Variants in B3GALNT2 observed in about 807,000 individuals in gnomAD.
B3GALNT2 encodes the protein beta-1,3-N-acetylgalactosaminyltransferase 2, also known as UDP-GalNAc:beta-1,3-N-acetylgalactosaminyltransferase 2.
B3GALNT2 carries 53 observed loss-of-function variants against 61.1 expected under a neutral mutation model. That is an observed-to-expected ratio of 0.87 (90% CI 0.70 to 1.09). B3GALNT2 has a LOEUF of 1.09. B3GALNT2 is among the 50% of genes least tolerant of loss of function. The pLI is 0.00. For synonymous variants in B3GALNT2, 223 were observed against 237.4 expected, an observed-to-expected ratio of 0.94 and a Z score of 0.56; for missense variants, 544 against 623.0, an observed-to-expected ratio of 0.87 and a Z score of 1.35.
downstream of B3GALNT2, among the ~76,000 whole-genome samples, chr1:235,442,416 C>T (rs186264404): frequency 3.5e-4 from 53 of 152,302 alleles, no homozygotes; most frequent in East Asian, 5.2e-3. Context: ...GAGATCCACC[C>T]GCCTCGGCCT....
chr1:235,451,509 A>G (rs150249825), intron 11 of B3GALNT2: 38 of 151,988 alleles, frequency 2.5e-4, no homozygotes, highest in African/African-American at 6.3e-4. Flanking sequence ...ATCAGAAAAC[A>G]AGCGCCATGA....
At chr1:235,469,647 G>T (rs1184671802) in intron 6 of B3GALNT2, among the ~76,000 whole-genome samples, 3 of 151,860 alleles carry the variant, frequency 2.0e-5, no homozygotes, top group Admixed American at 1.3e-4. Context: ...CCACCTCTGG[G>T]GTTCAAGCAA....
At chr1:235,499,480 C>T (rs1286642253) in intron 1 of B3GALNT2, among the ~76,000 whole-genome samples, 2 of 152,128 alleles carry the variant, frequency 1.3e-5, no homozygotes, top group African/African-American at 4.8e-5. Context: ...TTCTAGATGG[C>T]ACAGATACAG....
intron 5 of B3GALNT2, among the ~76,000 whole-genome samples, chr1:235,474,985 ATATTTTTTTTTTTTTT>A (rs1423126983): frequency 5.3e-5 from 2 of 37,790 alleles, no homozygotes; most frequent in African/African-American, 1.2e-4. Context: ...ATATATATAT[ATATTTTTTTTTTTTTT>A]TTTTTTTTTG....
rs1684954673 is a variant in B3GALNT2, at chr1:235,489,334, G to A, written c.261-66C>T. On this transcript the variant is annotated intron_variant, in intron 2 of 11. Transcript: ENST00000366600. ...ACCTCGCACATGCACGTTTCCTCATGCCCATTTCAGAGCTTTTACTTTGAG... is the reference window on the plus strand; with the variant it reads ...ACCTCGCACATGCACGTTTCCTCATACCCATTTCAGAGCTTTTACTTTGAG... 4 of 1,591,640 alleles carry A rather than the reference G, an allele frequency of 2.5e-6. No individual in the cohort carries two copies. In the Admixed American group the frequency reaches 5.2e-5, roughly 21 times the overall value.
intron 7 of B3GALNT2, chr1:235,464,553 T>C (rs889733493): frequency 4.6e-5 from 7 of 150,810 alleles, no homozygotes; most frequent in African/African-American, 1.5e-4. Context: ...CTGTTAACAG[T>C]GTGCAGCCTC....
At chr1:235,445,445 A>G (rs1474532636), downstream of B3GALNT2, among the ~76,000 whole-genome samples, 3 of 152,186 alleles carry the variant, frequency 2.0e-5, no homozygotes, top group African/African-American at 7.2e-5. Flanking sequence ...CCTGAGCAAC[A>G]TGGTGAAACC....
intron 1 of B3GALNT2, among the ~76,000 whole-genome samples, chr1:235,502,105 G>A (rs535469348): frequency 1.4e-4 from 22 of 152,070 alleles, no homozygotes; most frequent in Non-Finnish European, 2.8e-4. Flanking sequence ...CTCCGCCTCC[G>A]AGGTTCAAGT....
intron 2 of B3GALNT2, among the ~76,000 whole-genome samples, chr1:235,492,774 TAG>T (rs1685130356): frequency 6.6e-6 from 1 of 152,198 alleles, no homozygotes; most frequent in Non-Finnish European, 1.5e-5. Flanking sequence ...GGCTGTCTGC[TAG>T]AGTGACATCT....
chr1:235,448,332 TTCTTG>T lies in B3GALNT2; in HGVS notation c.*1869_*1873del. ...GTCATTTGAGAGAACGAATGGACTT[TTCTTG>T]TCTTTTGATAGGCTCCATGACAATT... On this transcript the variant is annotated 3_prime_UTR_variant, in exon 12 of 12. Transcript: ENST00000366600. 6.2e-7 allele frequency: 1 copy of T among 1,612,642 alleles called. No individual in the cohort carries two copies. The highest frequency in any genetic ancestry group is 8.5e-7 in the Non-Finnish European group (1 of 1,178,672).
At chr1:235,456,515 G>A (rs1683178322) in intron 8 of B3GALNT2, among the ~76,000 whole-genome samples, 1 of 152,188 alleles carries the variant, frequency 6.6e-6, no homozygotes. Flanking sequence ...AACAGCAGAA[G>A]GCATACATAA....
intron 3 of B3GALNT2, chr1:235,484,759 C>T (rs1456780984): frequency 6.7e-6 from 4 of 597,250 alleles, no homozygotes; most frequent in Non-Finnish European, 1.0e-5. Flanking sequence ...GCTTTAATAG[C>T]TTTTTGCATA....
chr1:235,474,962 TATATATATATA>T (rs1203437677), intron 5 of B3GALNT2, among the ~76,000 whole-genome samples: 1 of 24,264 alleles, frequency 4.1e-5, no homozygotes, highest in African/African-American at 2.1e-4. Flanking sequence ...TATATATATA[TATATATATATA>T]TATATATATA....
chr1:235,485,998 C>T (rs1049824654), intron 3 of B3GALNT2, among the ~76,000 whole-genome samples: 4 of 151,946 alleles, frequency 2.6e-5, no homozygotes, highest in African/African-American at 9.7e-5. Flanking sequence ...GGCTGAGGCA[C>T]GAGAATTGCT....
chr1:235,474,685 G>A (rs1036997464), intron 5 of B3GALNT2, among the ~76,000 whole-genome samples: 21 of 151,734 alleles, frequency 1.4e-4, no homozygotes, highest in Non-Finnish European at 2.4e-4. Context: ...GCCAGGTGTG[G>A]TGGCAGGCAC....
chr1:235,469,332 G>A (rs192998842), intron 6 of B3GALNT2, among the ~76,000 whole-genome samples: 117 of 152,268 alleles, frequency 7.7e-4, no homozygotes, highest in African/African-American at 2.6e-3. Context: ...GGAGATCGAG[G>A]AGAATAAAAG....
In B3GALNT2 at chr1:235,453,158, C is replaced by T. The variant is rs974658818; in HGVS notation, c.1312-12G>A. Reference sequence around the variant, plus strand: ...CTTACATCTTCACCCTATACATGGCCCATAAAGTTTAAATGTAAAAATTTT... The same window carrying T: ...CTTACATCTTCACCCTATACATGGCTCATAAAGTTTAAATGTAAAAATTTT... On this transcript the variant is annotated splice_polypyrimidine_tract_variant and intron_variant, in intron 10 of 11. Transcript: ENST00000366600. 3 of 1,608,094 alleles carry T rather than the reference C, an allele frequency of 1.9e-6. No individual in the cohort carries two copies. Among genetic ancestry groups the T allele is most frequent in the Non-Finnish European group, 2.6e-6 (3 of 1,174,844 alleles).
intron 5 of B3GALNT2, among the ~76,000 whole-genome samples, chr1:235,473,461 T>C (rs1019759319): frequency 6.6e-6 from 1 of 152,068 alleles, no homozygotes; most frequent in Non-Finnish European, 1.5e-5. Flanking sequence ...ATGATTCTGG[T>C]TTAGGTGACT....
At chr1:235,491,287 A>G (rs538383537) in intron 2 of B3GALNT2, among the ~76,000 whole-genome samples, 5 of 152,330 alleles carry the variant, frequency 3.3e-5, no homozygotes, top group African/African-American at 1.2e-4. Flanking sequence ...TAAGTTGGTC[A>G]TAGATAGGAG....
Sources: allele counts gnomAD v4.1 joint callset (sites outside exome capture counted in the v4.1 genomes callset), GRCh38; gene constraint gnomAD v4.1.1; transcripts MANE v1.5; gene names NCBI Gene and HGNC (gene_info 2026-07-23, HGNC 2026-07-21).